The following TBC1D19 variants were observed in gnomAD, a reference collection of about 807,000 sequenced individuals.
The protein encoded by TBC1D19 is TBC1 domain family member 19, also known as TBC1 domain family, member 19.
In TBC1D19, 60 loss-of-function variants were observed where a neutral mutation model predicts 89.0. That is an observed-to-expected ratio of 0.67 (90% CI 0.55 to 0.84). TBC1D19 has a LOEUF of 0.84. Ranked by LOEUF, TBC1D19 falls within the 40% of genes least tolerant of loss-of-function variation. The pLI is 0.00. For missense variants in TBC1D19, 500 were observed against 610.8 expected (o/e 0.82, Z 1.91); for synonymous variants, 189 against 199.7 (o/e 0.95, Z 0.45).
At chr4:26,676,978 G>T (rs968369452) in intron 11 of TBC1D19, among the ~76,000 whole-genome samples, 16 of 152,040 alleles carry the variant, frequency 1.1e-4, no homozygotes, top group African/African-American at 3.6e-4. Context: ...CTTCTTCTCA[G>T]ATCTCTCTTT....
chr4:26,673,819 A>G lies in TBC1D19; in HGVS notation c.747A>G (p.Arg249=). The part of the protein sequence containing the change: ...QDSAAAQQYI[R]QGSPTALRAE... ...GTGCTGCTGCTCAACAGTACATCAGACAAGGAAGTCCCACGGCACTGAGAG... is the reference window on the plus strand; with the variant it reads ...GTGCTGCTGCTCAACAGTACATCAGGCAAGGAAGTCCCACGGCACTGAGAG... Residue 249 remains arginine, a synonymous_variant, in exon 11 of 21, where the codon AGA becomes AGG. Transcript: ENST00000264866. 8 of 1,611,656 alleles carry G rather than the reference A, an allele frequency of 5.0e-6. No individual in the cohort carries two copies. Among genetic ancestry groups the G allele is most frequent in the Non-Finnish European group, 5.9e-6 (7 of 1,178,424 alleles).
intron 3 of TBC1D19, 62 bp from the exon 4 acceptor site, chr4:26,620,550 AG>A: frequency 7.5e-7 from 1 of 1,330,334 alleles, no homozygotes; most frequent in Non-Finnish European, 1.1e-6. Context: ...TGGACTACAG[AG>A]GTAAGTAATA....
chr4:26,726,127 AC>A (rs1717297357), intron 15 of TBC1D19, among the ~76,000 whole-genome samples: 2 of 638 alleles, frequency 3.1e-3, no homozygotes, highest in Non-Finnish European at 6.5e-3. Flanking sequence ...AATTCTCCCA[AC>A]ACACACACAC....
intron 11 of TBC1D19, among the ~76,000 whole-genome samples, chr4:26,681,499 C>T (rs764617751): frequency 9.2e-5 from 14 of 151,772 alleles, no homozygotes; most frequent in African/African-American, 2.9e-4. Context: ...TGCAGTGCAC[C>T]GAGATCGTGC....
intron 4 of TBC1D19, among the ~76,000 whole-genome samples, chr4:26,626,285 T>A (rs182177470): frequency 6.6e-6 from 1 of 152,292 alleles, no homozygotes; most frequent in African/African-American, 2.4e-5. Context: ...TGAAACCCTA[T>A]TTCCATGTAA....
At chr4:26,699,838 G>C (rs1577954634) in intron 13 of TBC1D19, among the ~76,000 whole-genome samples, 1 of 136,796 alleles carries the variant, frequency 7.3e-6, no homozygotes, top group Admixed American at 8.0e-5. Flanking sequence ...ACAGGAAGGG[G>C]AACTTCACGC....
the TBC1D19 span, among the ~76,000 whole-genome samples, chr4:26,772,444 T>TTG: frequency 6.6e-6 from 1 of 151,940 alleles, no homozygotes; most frequent in African/African-American, 2.4e-5. Flanking sequence ...TTTTTCTGGG[T>TTG]GGGGGGGAGC....
At chr4:26,588,945 A>G (rs1739598716) in intron 1 of TBC1D19, among the ~76,000 whole-genome samples, 1 of 152,052 alleles carries the variant, frequency 6.6e-6, no homozygotes, top group Non-Finnish European at 1.5e-5. Context: ...AATATAGACA[A>G]GGATCAAGCT....
rs1191565148 is a variant in TBC1D19 at position 26,672,158 on chromosome 4, A to C, written c.674A>C (p.Glu225Ala). Residue 225 changes from glutamate to alanine, a missense_variant, in exon 10 of 21, where the codon GAA (glutamate) becomes GCA (alanine). This residue lies in a region of TBC1D19 where 280 missense variants were observed against 291.7 expected (regional missense o/e 0.96). Coordinates refer to ENST00000264866, the MANE Select transcript of TBC1D19 (RefSeq NM_018317.4). ...TTTTTTTAATTTTTAGAACTTTTTG[A>C]AAATGAACATGTACGTATTGGGCAA... ...DSTQVPPELFENEHVRIGQKV... is the reference protein window; with the variant it reads ...DSTQVPPELFANEHVRIGQKV... The C allele has an allele frequency of 6.5e-6, 8 of 1,226,886 alleles. No homozygotes were observed. The highest frequency in any genetic ancestry group is 7.6e-6 in the Non-Finnish European group (7 of 922,284). The allele number at this position is 1,226,886 out of a possible 1,614,324, so 76.0% of individuals were successfully genotyped here. A position where few individuals can be genotyped will look rare whatever the true frequency, so the allele number is the denominator to read the frequency against.
chr4:26,631,063 T>A (rs1742775643), intron 4 of TBC1D19, among the ~76,000 whole-genome samples: 1 of 152,052 alleles, frequency 6.6e-6, no homozygotes, highest in Non-Finnish European at 1.5e-5. Flanking sequence ...TCACTTACCA[T>A]CTGACTGAAG....
intron 15 of TBC1D19, among the ~76,000 whole-genome samples, chr4:26,726,873 G>A (rs916336064): frequency 3.3e-5 from 5 of 152,104 alleles, no homozygotes; most frequent in Non-Finnish European, 5.9e-5. Flanking sequence ...TATTTTCTGA[G>A]TCATATTTAC....
chr4:26,834,599 A>G, the TBC1D19 span, among the ~76,000 whole-genome samples: 981 of 152,172 alleles, frequency 6.4e-3, 14 homozygotes, highest in African/African-American at 0.022. Context: ...TTGAGGAAAG[A>G]TGTGCAAAGA....
downstream of TBC1D19, among the ~76,000 whole-genome samples, chr4:26,759,813 A>G (rs1560517141): frequency 6.6e-6 from 1 of 152,224 alleles, no homozygotes; most frequent in Non-Finnish European, 1.5e-5. Flanking sequence ...ACTACTGCCT[A>G]GGATTTCATT....
intron 4 of TBC1D19, among the ~76,000 whole-genome samples, chr4:26,633,112 A>G (rs766281098): frequency 4.6e-5 from 7 of 152,160 alleles, no homozygotes; most frequent in Non-Finnish European, 8.8e-5. Flanking sequence ...TTTCTCTAGC[A>G]GGAATTTACT....
intron 13 of TBC1D19, among the ~76,000 whole-genome samples, chr4:26,711,865 A>AG (rs1440794171): frequency 6.6e-6 from 1 of 152,102 alleles, no homozygotes; most frequent in East Asian, 1.9e-4. Flanking sequence ...TTAGAATAAG[A>AG]GTTGGCAGCT....
chr4:26,594,798 G>A (rs542978514), intron 1 of TBC1D19, among the ~76,000 whole-genome samples: 1 of 152,102 alleles, frequency 6.6e-6, no homozygotes, highest in East Asian at 1.9e-4. Context: ...TCAACCCCTC[G>A]GTCTCTCTGA....
At chr4:26,719,324 C>T (rs180731140) in intron 14 of TBC1D19, among the ~76,000 whole-genome samples, 9 of 152,076 alleles carry the variant, frequency 5.9e-5, no homozygotes, top group East Asian at 5.8e-4. Context: ...TTCTTCATTT[C>T]GTCTCTGTCA....
chr4:26,843,867 C>G, the TBC1D19 span, among the ~76,000 whole-genome samples: 1 of 152,142 alleles, frequency 6.6e-6, no homozygotes, highest in Admixed American at 6.6e-5. Context: ...AGGCCTGTCA[C>G]AGGGCAAGAG....
the TBC1D19 span, among the ~76,000 whole-genome samples, chr4:26,857,314 C>G: frequency 6.6e-6 from 1 of 152,234 alleles, no homozygotes; most frequent in Non-Finnish European, 1.5e-5. Context: ...AGCGTTTCCA[C>G]CGAAGGCAGC....
Sources: gnomAD v4.1 joint callset for allele counts (sites outside exome capture counted in the v4.1 genomes callset) on GRCh38, gnomAD v4.1.1 for gene constraint, gnomAD v4.1.1 regional missense constraint, MANE v1.5 for transcripts, NCBI Gene and HGNC (gene_info 2026-07-23, HGNC 2026-07-21) for gene names.